Variants in MPDZ observed in about 807,000 individuals in gnomAD.
The protein encoded by MPDZ is multiple PDZ domain crumbs cell polarity complex component.
In MPDZ, 234 loss-of-function variants were observed where a neutral mutation model predicts 239.1. That is an observed-to-expected ratio of 0.98 (90% CI 0.88 to 1.09). The LOEUF is 1.09. Ranked by LOEUF, MPDZ falls within the 50% of genes least tolerant of loss-of-function variation. MPDZ has a pLI of 0.00. For synonymous variants in MPDZ, 1,048 were observed against 881.3 expected, an observed-to-expected ratio of 1.19 and a Z score of -3.35; for missense variants, 3,175 against 2,510.0, an observed-to-expected ratio of 1.26 and a Z score of -5.66.
chr9:13,128,883 G>C (rs552303794), intron 32 of MPDZ, among the ~76,000 whole-genome samples: 1 of 152,268 alleles, frequency 6.6e-6, no homozygotes, highest in South Asian at 2.1e-4. Flanking sequence ...GGATAAAGCT[G>C]ACACTGGATG....
chr9:13,144,449 C>A (rs1397973986), intron 26 of MPDZ, among the ~76,000 whole-genome samples: 1 of 151,880 alleles, frequency 6.6e-6, no homozygotes, highest in Admixed American at 6.6e-5. Flanking sequence ...ACAATAAATT[C>A]TTCTCCTTCT....
intron 10 of MPDZ, among the ~76,000 whole-genome samples, chr9:13,214,395 T>C (rs546197838): frequency 2.4e-4 from 36 of 151,942 alleles, no homozygotes; most frequent in African/African-American, 7.7e-4. Context: ...AGAAAGTAGA[T>C]TGGTGGTTGC....
At chr9:13,107,256 A>C in intron 46 of MPDZ, 145 bp from the exon 47 acceptor site, 4 of 815,938 alleles carry the variant, frequency 4.9e-6, no homozygotes, top group Non-Finnish European at 7.3e-6. Flanking sequence ...CTAAGCCATT[A>C]AGCAATGATG....
At chr9:13,197,601 T>G (rs1237308680) in intron 12 of MPDZ, among the ~76,000 whole-genome samples, 3 of 152,198 alleles carry the variant, frequency 2.0e-5, no homozygotes, top group Admixed American at 6.6e-5. Context: ...ATTATATTTT[T>G]TGTGTGTGTT....
intron 5 of MPDZ, 62 bp from the exon 6 acceptor site, chr9:13,222,508 C>A: frequency 7.6e-7 from 1 of 1,315,088 alleles, no homozygotes; most frequent in Non-Finnish European, 1.1e-6. Context: ...ATGACAGCTT[C>A]TTTGGCATGT....
chr9:13,188,647 G>T, intron 17 of MPDZ, 137 bp downstream of exon 17: 6 of 591,450 alleles, frequency 1.0e-5, no homozygotes, highest in South Asian at 7.4e-5. Context: ...ATCTTTATAC[G>T]AATGGAGCTA....
intron 29 of MPDZ, among the ~76,000 whole-genome samples, chr9:13,137,740 G>A (rs1947037249): frequency 2.0e-5 from 3 of 152,142 alleles, no homozygotes; most frequent in Admixed American, 2.0e-4. Context: ...TGTTTCTGGT[G>A]CTACACAGTC....
chr9:13,108,911 G>A (rs1351503795), intron 46 of MPDZ, 25 bp downstream of exon 46: 1 of 1,605,326 alleles, frequency 6.2e-7, no homozygotes, highest in Non-Finnish European at 8.5e-7. Flanking sequence ...GGGGAAAAGA[G>A]GGTGGTTAAA....
At chr9:13,278,136 G>C (rs1052855434) in intron 1 of MPDZ, among the ~76,000 whole-genome samples, 2 of 152,176 alleles carry the variant, frequency 1.3e-5, no homozygotes, top group Non-Finnish European at 2.9e-5. Flanking sequence ...CTGTCTACAA[G>C]GCAGGACGAG....
At chr9:13,278,152 C>T (rs1011355980) in intron 1 of MPDZ, among the ~76,000 whole-genome samples, 1 of 152,226 alleles carries the variant, frequency 6.6e-6, no homozygotes, top group Admixed American at 6.5e-5. Context: ...ACGAGGCAGT[C>T]TGATCACTTA....
At chr9:13,259,471 G>A (rs1970175953) in intron 1 of MPDZ, among the ~76,000 whole-genome samples, 1 of 152,206 alleles carries the variant, frequency 6.6e-6, no homozygotes, top group African/African-American at 2.4e-5. Context: ...AGCAGCATTG[G>A]AGAAATGATG....
chr9:13,198,149 T>G (rs1053301787), intron 12 of MPDZ, among the ~76,000 whole-genome samples: 5 of 152,098 alleles, frequency 3.3e-5, no homozygotes, highest in African/African-American at 1.2e-4. Flanking sequence ...AGTTTAACTG[T>G]TCGTTTTTTG....
At chr9:13,219,893 A>G in intron 7 of MPDZ, 125 bp from the exon 8 acceptor site, 1 of 828,676 alleles carries the variant, frequency 1.2e-6, no homozygotes, top group Non-Finnish European at 1.9e-6. Context: ...CATAAAATAA[A>G]ACACATGGGT....
In MPDZ at chr9:13,189,035, G is replaced by C. The variant is rs773396911; in HGVS notation, c.2155-42C>G. On this transcript the variant is annotated intron_variant, in intron 16 of 46. Coordinates refer to ENST00000319217, the MANE Select transcript of MPDZ (RefSeq NM_001378778.1). The stretch of plus-strand genomic sequence containing the variant: ...GGAAAGAGTCAGCTCATTTTACAAA[G>C]AAAATTCTTCTACAGGTCGTCCACT... The C allele has an allele frequency of 3.2e-6, 5 of 1,565,602 alleles. No individual in the cohort carries two copies. In the East Asian group the frequency reaches 1.1e-4, roughly 36 times the overall value.
At chr9:13,164,080 G>A (rs1950773136) in intron 22 of MPDZ, among the ~76,000 whole-genome samples, 1 of 152,150 alleles carries the variant, frequency 6.6e-6, no homozygotes, top group Admixed American at 6.6e-5. Context: ...AAATAGAAGT[G>A]AGTGCTATCA....
intron 3 of MPDZ, among the ~76,000 whole-genome samples, chr9:13,229,577 TACACACACACAC>T (rs139327129): frequency 7.3e-6 from 1 of 136,144 alleles, no homozygotes; most frequent in Non-Finnish European, 1.6e-5. Context: ...ACACCACACT[TACACACACACAC>T]ACACACACAC....
intron 39 of MPDZ, among the ~76,000 whole-genome samples, chr9:13,118,744 G>A (rs1175904740): frequency 6.6e-6 from 1 of 152,164 alleles, no homozygotes; most frequent in Non-Finnish European, 1.5e-5. Flanking sequence ...ATTGTCAAAT[G>A]ACTTTTCTGT....
chr9:13,176,196 T>C lies in MPDZ; in HGVS notation c.2871A>G (p.Leu957=). ...ENTIVWTESH[L]PSEVISSAEL... ...CTGCACTTGATATAACTTCACTTGG[T>C]AAATGAGATTCAGTCCACACTATTG... The change falls in exon 20 of 47, where the codon TTA becomes TTG. Residue 957 remains leucine (L), a synonymous_variant. Transcript: ENST00000319217. The C allele has an allele frequency of 6.2e-7, 1 of 1,604,186 alleles. No individual in the cohort carries two copies. Among genetic ancestry groups the C allele is most frequent in the Non-Finnish European group, 8.5e-7 (1 of 1,174,608 alleles).
At chr9:13,162,551 A>T (rs913324862) in intron 23 of MPDZ, 140 bp downstream of exon 23, 1 of 406,170 alleles carries the variant, frequency 2.5e-6, no homozygotes, top group African/African-American at 2.0e-5. Flanking sequence ...ATTGAGGGAA[A>T]GGGAAGAATA....
Sources: allele counts gnomAD v4.1 joint callset (sites outside exome capture counted in the v4.1 genomes callset), GRCh38; gene constraint gnomAD v4.1.1; transcripts MANE v1.5; gene names NCBI Gene and HGNC (gene_info 2026-07-23, HGNC 2026-07-21).